Variants in CSGALNACT1 observed in about 807,000 individuals in gnomAD.
CSGALNACT1 encodes the protein beta4GalNAcT-1.
A neutral mutation model predicts 51.0 loss-of-function variants in CSGALNACT1; 52 were observed. The observed-to-expected ratio is 1.02, with a 90% CI of 0.82 to 1.29. The LOEUF (loss-of-function observed/expected upper bound fraction) is 1.29. Ranked by LOEUF, CSGALNACT1 falls within the 50% of genes most tolerant of loss-of-function variation. CSGALNACT1 has a pLI of 0.00. For missense variants in CSGALNACT1, 935 were observed against 679.2 expected, an observed-to-expected ratio of 1.38 and a Z score of -4.19; for synonymous variants, 341 against 254.4, an observed-to-expected ratio of 1.34 and a Z score of -3.24.
chr8:19,566,742 C>G (rs909595482), intron 3 of CSGALNACT1, among the ~76,000 whole-genome samples: 1 of 152,102 alleles, frequency 6.6e-6, no homozygotes, highest in Non-Finnish European at 1.5e-5. Context: ...TCTGAAAATA[C>G]AAGATTAAAA....
chr8:19,681,301 G>A (rs1330956231), intron 1 of CSGALNACT1, among the ~76,000 whole-genome samples: 2 of 152,198 alleles, frequency 1.3e-5, no homozygotes, highest in African/African-American at 4.8e-5. Flanking sequence ...AATTGGATAT[G>A]TGTAAGAGGT....
At chr8:19,431,769 T>C (rs2059683527) in intron 6 of CSGALNACT1, among the ~76,000 whole-genome samples, 1 of 151,918 alleles carries the variant, frequency 6.6e-6, no homozygotes, top group Admixed American at 6.6e-5. Flanking sequence ...TTGGTAGAAA[T>C]CAGCAGCGAA....
chr8:19,666,082 G>A (rs2059153131), intron 1 of CSGALNACT1, among the ~76,000 whole-genome samples: 1 of 152,134 alleles, frequency 6.6e-6, no homozygotes, highest in East Asian at 1.9e-4. Flanking sequence ...TGTTTGTCTA[G>A]TTTAAATCCA....
At chr8:19,557,637 C>T (rs1036375805) in intron 3 of CSGALNACT1, among the ~76,000 whole-genome samples, 2 of 152,188 alleles carry the variant, frequency 1.3e-5, no homozygotes, top group African/African-American at 2.4e-5. Context: ...GTATTTTATT[C>T]AGGCTTTGCT....
chr8:19,668,099 A>G (rs1248665341), intron 1 of CSGALNACT1, among the ~76,000 whole-genome samples: 7 of 152,166 alleles, frequency 4.6e-5, no homozygotes, highest in Non-Finnish European at 7.3e-5. Flanking sequence ...ACTGGCTCCC[A>G]AATATGAAAC....
chr8:19,651,702 G>A (rs1324772472), intron 1 of CSGALNACT1, among the ~76,000 whole-genome samples: 1 of 152,090 alleles, frequency 6.6e-6, no homozygotes, highest in Non-Finnish European at 1.5e-5. Context: ...CTTCGCTATT[G>A]TGAATAGTGC....
intron 1 of CSGALNACT1, among the ~76,000 whole-genome samples, chr8:19,666,963 G>T (rs1487978217): frequency 8.6e-5 from 1 of 11,638 alleles, no homozygotes; most frequent in Non-Finnish European, 1.5e-4. Context: ...AAGAAAGAAA[G>T]AAAGAAAGAA....
At position 19,667,028 on chromosome 8, in the gene CSGALNACT1, GAAGGAAGGAAGGAAGA is replaced by G. The variant is rs1291956389; in HGVS notation, c.-544+15429_-544+15444del. Reference sequence around the variant, plus strand: ...GAAAGAAAGAAAGAAAGGAAGGAAGGAAGGAAGGAAGGAAGAAAGAAAGAAAGAAAGAAAGAAAGAA... The same window carrying G: ...GAAAGAAAGAAAGAAAGGAAGGAAGGAAGAAAGAAAGAAAGAAAGAAAGAA... On this transcript the variant is annotated intron_variant, in intron 1 of 9. Coordinates refer to the CSGALNACT1 transcript ENST00000332246. 6.3e-3 allele frequency among the ~76,000 whole-genome samples: 177 copies of G among 27,894 alleles called. 6 individuals are homozygous for G. The highest frequency in any genetic ancestry group is 0.054 in the Admixed American group (151 of 2,788). 18.3% of individuals were successfully genotyped at this position (27,894 alleles called of 152,430 possible). A position where few individuals can be genotyped will look rare whatever the true frequency, so the allele number is the denominator to read the frequency against.
At chr8:19,614,629 T>A (rs1479442977) in intron 1 of CSGALNACT1, among the ~76,000 whole-genome samples, 1 of 152,164 alleles carries the variant, frequency 6.6e-6, no homozygotes, top group Non-Finnish European at 1.5e-5. Flanking sequence ...CAGAGATTGG[T>A]TTTATGCTTC....
chr8:19,404,788 C>G (rs758910219), exon 10 of CSGALNACT1: 1 of 454,508 alleles, frequency 2.2e-6, no homozygotes, highest in Non-Finnish European at 4.4e-6. Context: ...AGGTACATCA[C>G]GATATCACCA....
chr8:19,586,846 G>A (rs1187387032), intron 3 of CSGALNACT1, among the ~76,000 whole-genome samples: 3 of 152,144 alleles, frequency 2.0e-5, no homozygotes, highest in Non-Finnish European at 4.4e-5. Context: ...CTAGGCTCAG[G>A]TACATCGTAC....
chr8:19,570,617 A>G (rs2042817528), intron 3 of CSGALNACT1, among the ~76,000 whole-genome samples: 1 of 152,174 alleles, frequency 6.6e-6, no homozygotes, highest in Non-Finnish European at 1.5e-5. Flanking sequence ...TAAGACATGT[A>G]CAGGCCGGGT....
chr8:19,539,510 G>A (rs1588040432), intron 3 of CSGALNACT1, among the ~76,000 whole-genome samples: 1 of 152,094 alleles, frequency 6.6e-6, no homozygotes, highest in African/African-American at 2.4e-5. Context: ...TGACTGGAAG[G>A]GAATTTAAAG....
rs185690650 is a variant in CSGALNACT1 at position 19,496,183 on chromosome 8, C to G, written c.634+9018G>C. 8.5e-5 allele frequency among the ~76,000 whole-genome samples: 13 copies of G among 152,294 alleles called. No homozygotes were observed. The East Asian group carries it at 2.3e-3, about 27-fold the overall frequency. ...GAAGAAATCCAAGGGCCCAACACTACTCATAACATTAAAACTCAAAGAATA... is the reference window on the plus strand; with the variant it reads ...GAAGAAATCCAAGGGCCCAACACTAGTCATAACATTAAAACTCAAAGAATA... On this transcript the variant is annotated intron_variant, in intron 4 of 9. Transcript: ENST00000454498.
intron 4 of CSGALNACT1, among the ~76,000 whole-genome samples, chr8:19,470,568 T>C (rs978139338): frequency 3.9e-5 from 6 of 152,070 alleles, no homozygotes; most frequent in African/African-American, 1.4e-4. Context: ...AGGCAGGCAC[T>C]GGGAAGCGAG....
chr8:19,624,827 C>T (rs2054249104), intron 1 of CSGALNACT1, among the ~76,000 whole-genome samples: 1 of 152,074 alleles, frequency 6.6e-6, no homozygotes. Flanking sequence ...TATAGGCATA[C>T]ACCACCACGC....
At chr8:19,643,505 G>C (rs1194119754) in intron 1 of CSGALNACT1, among the ~76,000 whole-genome samples, 1 of 152,102 alleles carries the variant, frequency 6.6e-6, no homozygotes, top group Non-Finnish European at 1.5e-5. Flanking sequence ...GGGTGTGATA[G>C]TGTGCACCTG....
intron 1 of CSGALNACT1, among the ~76,000 whole-genome samples, chr8:19,701,723 T>C (rs1222939979): frequency 6.6e-6 from 1 of 152,216 alleles, no homozygotes; most frequent in Admixed American, 6.5e-5. Context: ...CAGCGCATCC[T>C]ACATGTCACG....
At chr8:19,507,083 T>C (rs564406468) in intron 3 of CSGALNACT1, among the ~76,000 whole-genome samples, 2 of 152,186 alleles carry the variant, frequency 1.3e-5, no homozygotes, top group African/African-American at 4.8e-5. Flanking sequence ...GGTTCAAATA[T>C]ACAAATAATA....
Sources: allele counts gnomAD v4.1 joint callset (sites outside exome capture counted in the v4.1 genomes callset), GRCh38; gene constraint gnomAD v4.1.1; transcripts MANE v1.5; gene names NCBI Gene and HGNC (gene_info 2026-07-23, HGNC 2026-07-21).